Variants in ANKFN1 observed in about 807,000 individuals in gnomAD.
ANKFN1 encodes ankyrin repeat and fibronectin type III domain containing 1.
Under a neutral mutation model 108.7 loss-of-function variants are expected in ANKFN1, and 74 were observed. The observed-to-expected ratio is 0.68, with a 90% CI of 0.56 to 0.83. ANKFN1 has a LOEUF of 0.83. Ranked by LOEUF, ANKFN1 falls within the 40% of genes least tolerant of loss-of-function variation. The probability of loss-of-function intolerance (pLI) is 0.00; values close to 1 mark genes in which losing one functional copy is unlikely to be tolerated. For missense variants in ANKFN1, 1,505 were observed against 1,382.3 expected (o/e 1.09, Z -1.41); for synonymous variants, 547 against 516.2 (o/e 1.06, Z -0.81).
intron 3 of ANKFN1, among the ~76,000 whole-genome samples, chr17:56,302,445 T>A (rs1165889092): frequency 7.5e-5 from 11 of 147,128 alleles, no homozygotes; most frequent in Non-Finnish European, 1.2e-4. Flanking sequence ...AGCCCAGGAG[T>A]TTAAAGCTGC....
intron 4 of ANKFN1, among the ~76,000 whole-genome samples, chr17:56,335,643 C>G (rs1026612911): frequency 1.6e-4 from 24 of 152,182 alleles, no homozygotes; most frequent in African/African-American, 5.8e-4. Context: ...TCTAAATATA[C>G]AATCATGTCA....
At chr17:56,117,322 C>T (rs1178592125) in intron 4 of ANKFN1, among the ~76,000 whole-genome samples, 1 of 152,100 alleles carries the variant, frequency 6.6e-6, no homozygotes, top group Admixed American at 6.6e-5. Context: ...CAAAGGACAC[C>T]TGATTTTAGT....
At chr17:56,307,320 T>C (rs930838049) in intron 3 of ANKFN1, among the ~76,000 whole-genome samples, 1 of 152,162 alleles carries the variant, frequency 6.6e-6, no homozygotes, top group Admixed American at 6.5e-5. Flanking sequence ...ATTTTTGCAA[T>C]CTGCTCATCT....
intron 2 of ANKFN1, among the ~76,000 whole-genome samples, chr17:56,225,757 G>A (rs538516890): frequency 2.6e-5 from 4 of 152,330 alleles, no homozygotes; most frequent in African/African-American, 9.6e-5. Context: ...GCCACAGTAT[G>A]CTTAACAGCT....
chr17:56,073,231 A>T (rs1431967275), intron 4 of ANKFN1, among the ~76,000 whole-genome samples: 1 of 152,096 alleles, frequency 6.6e-6, no homozygotes, highest in Non-Finnish European at 1.5e-5. Flanking sequence ...TGACCTCGTG[A>T]TCCGCCCGCC....
intron 2 of ANKFN1, among the ~76,000 whole-genome samples, chr17:56,221,984 A>G (rs1364125024): frequency 6.6e-6 from 1 of 152,174 alleles, no homozygotes; most frequent in Non-Finnish European, 1.5e-5. Flanking sequence ...GGAAACTTGT[A>G]AGAAATGCAG....
chr17:56,076,813 GA>G (rs1047376282), intron 4 of ANKFN1, among the ~76,000 whole-genome samples: 50 of 151,832 alleles, frequency 3.3e-4, no homozygotes, highest in Admixed American at 4.6e-4. Context: ...AGAAAGACAA[GA>G]AAAAAAACTA....
intron 8 of ANKFN1, among the ~76,000 whole-genome samples, chr17:56,379,761 G>A (rs928301523): frequency 1.3e-5 from 2 of 152,084 alleles, no homozygotes; most frequent in Non-Finnish European, 2.9e-5. Flanking sequence ...GTTATATAAT[G>A]TTACAATTCT....
At chr17:56,159,939 C>T (rs993214546) in intron 1 of ANKFN1, among the ~76,000 whole-genome samples, 1 of 150,496 alleles carries the variant, frequency 6.6e-6, no homozygotes, top group Non-Finnish European at 1.5e-5. Flanking sequence ...GAGGATTTGA[C>T]CAGGGGTGGG....
chr17:56,173,388 G>A (rs1422500803), intron 1 of ANKFN1, among the ~76,000 whole-genome samples: 1 of 152,140 alleles, frequency 6.6e-6, no homozygotes, highest in Non-Finnish European at 1.5e-5. Flanking sequence ...TTGTCAGTGA[G>A]GCTTTCCCTA....
intron 8 of ANKFN1, among the ~76,000 whole-genome samples, chr17:56,392,728 C>T (rs796294458): frequency 1.3e-5 from 2 of 152,178 alleles, no homozygotes; most frequent in Admixed American, 1.3e-4. Context: ...GGCCAATAAG[C>T]AGGCTCAGGG....
chr17:56,487,803 G>A (rs1331053025), intron 18 of ANKFN1, among the ~76,000 whole-genome samples: 1 of 152,216 alleles, frequency 6.6e-6, no homozygotes, highest in Non-Finnish European at 1.5e-5. Context: ...TACTTGAGCT[G>A]TATCTTGAAG....
intron 4 of ANKFN1, among the ~76,000 whole-genome samples, chr17:56,333,853 A>G (rs1003507865): frequency 2.0e-5 from 3 of 152,114 alleles, no homozygotes; most frequent in African/African-American, 7.2e-5. Context: ...ACATTCCCAT[A>G]AAAGGTGGTC....
Position 56,457,991 on chromosome 17 carries a change from G to T in ANKFN1, c.1557+12G>T. 6.2e-7 allele frequency: 1 copy of T among 1,608,278 alleles called. No individual in the cohort carries two copies. Among genetic ancestry groups the T allele is most frequent in the African/African-American group, 1.3e-5 (1 of 74,932 alleles). ...CAGCACAGCTACAGGTAAGGGACCA[G>T]GTTTCAACCCAGGCCCCCAAGGAAA... On this transcript the variant is annotated intron_variant, in intron 14 of 20. Transcript: ENST00000682825.
rs1211388510 is a variant in ANKFN1 at position 56,510,683 on chromosome 17, G to T, written c.2855G>T (p.Gly952Val). 1 of 1,536,022 alleles carries T rather than the reference G, an allele frequency of 6.5e-7. No homozygotes were observed. Among genetic ancestry groups the T allele is most frequent in the African/African-American group, 1.4e-5 (1 of 73,052 alleles). ...VHDVKTPLGP[G>V]QDPQGEGPNP... ...GACGTGAAAACCCCTCTGGGGCCGG[G>T]CCAGGATCCCCAGGGCGAGGGCCCA... Residue 952 changes from glycine (G) to valine (V), a missense_variant, in exon 21 of 21, where the codon GGC (glycine) becomes GTC (valine). Transcript: ENST00000682825.
At chr17:56,238,584 C>G (rs1036008717) in intron 3 of ANKFN1, among the ~76,000 whole-genome samples, 1 of 152,036 alleles carries the variant, frequency 6.6e-6, no homozygotes, top group Admixed American at 6.6e-5. Flanking sequence ...TCTGTTTTGT[C>G]TGAAATTAGG....
At chr17:56,449,594 A>G (rs1244395609) in intron 11 of ANKFN1, among the ~76,000 whole-genome samples, 2 of 152,208 alleles carry the variant, frequency 1.3e-5, no homozygotes, top group African/African-American at 2.4e-5. Context: ...CAACAGTAAT[A>G]ATAAACCTCC....
chr17:56,502,013 CTT>C (rs1345107355), intron 20 of ANKFN1, among the ~76,000 whole-genome samples: 1 of 152,098 alleles, frequency 6.6e-6, no homozygotes, highest in African/African-American at 2.4e-5. Flanking sequence ...AATTTTCACT[CTT>C]TTAAAATCTT....
At chr17:56,122,278 A>G (rs1906670618) in intron 4 of ANKFN1, among the ~76,000 whole-genome samples, 1 of 152,206 alleles carries the variant, frequency 6.6e-6, no homozygotes, top group Admixed American at 6.5e-5. Context: ...GCTCCTTCAA[A>G]CCTTGAAATT....
Sources: gnomAD v4.1 joint callset for allele counts (sites outside exome capture counted in the v4.1 genomes callset) on GRCh38, gnomAD v4.1.1 for gene constraint, MANE v1.5 for transcripts, NCBI Gene and HGNC (gene_info 2026-07-23, HGNC 2026-07-21) for gene names.